ZDHHC14: variants seen among roughly 807,000 people sequenced by gnomAD.
The protein encoded by ZDHHC14 is palmitoyltransferase ZDHHC14.
A neutral mutation model predicts 47.7 loss-of-function variants in ZDHHC14; 16 were observed. That is an observed-to-expected ratio of 0.34 (90% CI 0.23 to 0.51). ZDHHC14 has a LOEUF of 0.51. Ranked by LOEUF, ZDHHC14 falls within the 20% of genes least tolerant of loss-of-function variation. The probability of loss-of-function intolerance (pLI) is 0.97; values close to 1 mark genes in which losing one functional copy is unlikely to be tolerated. For synonymous variants in ZDHHC14, 293 were observed against 278.9 expected (o/e 1.05, Z -0.50); for missense variants, 515 against 662.5 (o/e 0.78, Z 2.44).
At chr6:157,618,471 G>T (rs1180105086) in intron 3 of ZDHHC14, among the ~76,000 whole-genome samples, 1 of 152,060 alleles carries the variant, frequency 6.6e-6, no homozygotes, top group African/African-American at 2.4e-5. Flanking sequence ...ACAGGTGCCT[G>T]CCACCACACC....
chr6:157,673,150 C>T lies in ZDHHC14; in HGVS notation c.*28C>T. Reference sequence around the variant, plus strand: ...CACATGGCCCCAGGCCGGGGGACACCAGAGGCTCCTCCATGGGCAGCAGGA... The same window carrying T: ...CACATGGCCCCAGGCCGGGGGACACTAGAGGCTCCTCCATGGGCAGCAGGA... On this transcript the variant is annotated 3_prime_UTR_variant, in exon 9 of 9. Coordinates refer to ENST00000359775, the MANE Select transcript of ZDHHC14 (RefSeq NM_024630.3). This position sits in a 1 kb window ranked among gnomAD's most constrained non-coding sequence, Gnocchi z 5.4. The T allele has an allele frequency of 6.5e-7, 1 of 1,540,034 alleles. No individual in the cohort carries two copies.
intron 2 of ZDHHC14, among the ~76,000 whole-genome samples, chr6:157,547,050 G>A (rs1358678529): frequency 6.6e-6 from 1 of 152,212 alleles, no homozygotes; most frequent in African/African-American, 2.4e-5. Context: ...ATCAAAGGAT[G>A]CTGGTGGGCT....
intron 1 of ZDHHC14, among the ~76,000 whole-genome samples, chr6:157,493,640 G>A (rs1006979786): frequency 6.6e-6 from 1 of 152,270 alleles, no homozygotes; most frequent in Non-Finnish European, 1.5e-5. Context: ...ACACCATCAG[G>A]ATGGGTGCTG....
chr6:157,566,447 A>G (rs1037573157), intron 2 of ZDHHC14, among the ~76,000 whole-genome samples: 8 of 152,206 alleles, frequency 5.3e-5, no homozygotes, highest in Admixed American at 2.0e-4. Flanking sequence ...CCAGAGGTGT[A>G]CTGTGCTTAG....
At position 157,468,812 on chromosome 6, in the gene ZDHHC14, C is replaced by T. The variant is rs539357751; in HGVS notation, c.246-73773C>T. 2.0e-5 allele frequency among the ~76,000 whole-genome samples: 3 copies of T among 152,256 alleles called. No individual in the cohort carries two copies. The South Asian group carries it at 6.2e-4, about 32-fold the overall frequency. Reference sequence around the variant, plus strand: ...AGCACATTCTTACTGTTAATTAGTCCAGCATCCTACAAAGTAGATATTTTG... The same window carrying T: ...AGCACATTCTTACTGTTAATTAGTCTAGCATCCTACAAAGTAGATATTTTG... On this transcript the variant is annotated intron_variant, in intron 1 of 8. Coordinates refer to ENST00000359775, the MANE Select transcript of ZDHHC14 (RefSeq NM_024630.3).
At chr6:157,526,422 C>T (rs1781152703) in intron 1 of ZDHHC14, among the ~76,000 whole-genome samples, 1 of 152,184 alleles carries the variant, frequency 6.6e-6, no homozygotes, top group African/African-American at 2.4e-5. Flanking sequence ...GGCCTCTGTC[C>T]CCATCTCCCA....
chr6:157,455,616 G>C (rs1231140965), intron 1 of ZDHHC14, among the ~76,000 whole-genome samples: 1 of 152,168 alleles, frequency 6.6e-6, no homozygotes, highest in African/African-American at 2.4e-5. Context: ...TGGGGGTCCT[G>C]TTGAGGGGCT....
At chr6:157,603,592 G>A (rs992269708) in intron 3 of ZDHHC14, among the ~76,000 whole-genome samples, 7 of 152,174 alleles carry the variant, frequency 4.6e-5, no homozygotes, top group African/African-American at 1.7e-4. Context: ...GGCAGCTGTT[G>A]TCTGATGATG....
chr6:157,530,040 T>C (rs929729863), intron 1 of ZDHHC14, among the ~76,000 whole-genome samples: 1 of 152,248 alleles, frequency 6.6e-6, no homozygotes, highest in African/African-American at 2.4e-5. Flanking sequence ...AAATGTTATA[T>C]GTGAAACTGC....
chr6:157,458,606 G>A (rs867074578), intron 1 of ZDHHC14, among the ~76,000 whole-genome samples: 1 of 152,118 alleles, frequency 6.6e-6, no homozygotes, highest in Non-Finnish European at 1.5e-5. Flanking sequence ...CGGGGGCTTG[G>A]CCTGGGGCAG....
intron 8 of ZDHHC14, among the ~76,000 whole-genome samples, chr6:157,669,713 T>C (rs1472556149): frequency 1.3e-5 from 2 of 152,214 alleles, no homozygotes; most frequent in Non-Finnish European, 2.9e-5. Context: ...CAGAAAGCAT[T>C]AGGATGAGTG....
chr6:157,446,470 T>C (rs1306441928), intron 1 of ZDHHC14, among the ~76,000 whole-genome samples: 1 of 152,062 alleles, frequency 6.6e-6, no homozygotes, highest in Non-Finnish European at 1.5e-5. Context: ...AGTGCAGTGG[T>C]TGAATTTCGG....
At chr6:157,604,648 A>G (rs554331268) in intron 3 of ZDHHC14, among the ~76,000 whole-genome samples, 4 of 152,174 alleles carry the variant, frequency 2.6e-5, no homozygotes, top group African/African-American at 7.2e-5. Context: ...GGTTCAAGCA[A>G]TTCTCCTGCC....
intron 1 of ZDHHC14, among the ~76,000 whole-genome samples, chr6:157,403,393 T>C (rs988010885): frequency 3.9e-5 from 6 of 152,198 alleles, no homozygotes; most frequent in African/African-American, 1.4e-4. Flanking sequence ...CTGATGTTTA[T>C]TTTCTTTATT....
chr6:157,469,278 C>T (rs968190112), intron 1 of ZDHHC14, among the ~76,000 whole-genome samples: 2 of 152,172 alleles, frequency 1.3e-5, no homozygotes, highest in African/African-American at 2.4e-5. Flanking sequence ...GAGCCTGTGT[C>T]TGTAAAGGTG....
chr6:157,659,368 G>C (rs559341230), intron 8 of ZDHHC14, among the ~76,000 whole-genome samples: 1 of 152,188 alleles, frequency 6.6e-6, no homozygotes, highest in African/African-American at 2.4e-5. Context: ...TCCGGGCCCC[G>C]CACTGTTGCT....
chr6:157,430,229 T>C (rs1056345268), intron 1 of ZDHHC14, among the ~76,000 whole-genome samples: 2 of 150,228 alleles, frequency 1.3e-5, no homozygotes, highest in East Asian at 2.0e-4. Context: ...GGCAGGAGAA[T>C]TGCTCAAACC....
intron 3 of ZDHHC14, among the ~76,000 whole-genome samples, chr6:157,615,235 T>G (rs1404424734): frequency 6.6e-6 from 1 of 152,210 alleles, no homozygotes; most frequent in Non-Finnish European, 1.5e-5. Context: ...CTCAGTGAAG[T>G]GCTTGCAGCT....
chr6:157,473,943 A>G (rs957944915), intron 1 of ZDHHC14, among the ~76,000 whole-genome samples: 1 of 152,020 alleles, frequency 6.6e-6, no homozygotes, highest in African/African-American at 2.4e-5. Context: ...AATGGTCACA[A>G]GCATTTCGGA....
Sources: allele counts gnomAD v4.1 joint callset (sites outside exome capture counted in the v4.1 genomes callset), GRCh38; gene constraint gnomAD v4.1.1; non-coding constraint Gnocchi (gnomAD v3.1); transcripts MANE v1.5; gene names NCBI Gene and HGNC (gene_info 2026-07-23, HGNC 2026-07-21).